ASCC3: variants seen among roughly 807,000 people sequenced by gnomAD.
ASCC3 encodes the protein activating signal cointegrator 1 complex subunit 3, also known as ASC-1 complex subunit P200.
ASCC3 carries 158 observed loss-of-function variants against 256.3 expected under a neutral mutation model. That is an observed-to-expected ratio of 0.62 (90% CI 0.54 to 0.70). The LOEUF is 0.70. Among genes scored for constraint, ASCC3 ranks in the 30% least tolerant of loss-of-function variants. ASCC3 has a pLI of 0.00. For synonymous variants in ASCC3, 948 were observed against 883.4 expected (o/e 1.07, Z -1.30); for missense variants, 2,259 against 2,626.0 (o/e 0.86, Z 3.05).
At chr6:100,596,706 A>G in intron 34 of ASCC3, among the ~76,000 whole-genome samples, 1 of 152,132 alleles carries the variant, frequency 6.6e-6, no homozygotes, top group East Asian at 1.9e-4. Context: ...AATGAATCTG[A>G]TAATTTCTCT....
intron 3 of ASCC3, chr6:100,858,633 T>C (rs1773074898): frequency 1.0e-6 from 1 of 990,646 alleles, no homozygotes; most frequent in Non-Finnish European, 1.2e-6. Context: ...AATCCACTCA[T>C]TATAAACACT....
chr6:100,722,701 G>A (rs1352676173), intron 11 of ASCC3, among the ~76,000 whole-genome samples: 1 of 151,534 alleles, frequency 6.6e-6, no homozygotes, highest in East Asian at 1.9e-4. Flanking sequence ...TACACAAATG[G>A]GATTGTGCTA....
intron 34 of ASCC3, among the ~76,000 whole-genome samples, chr6:100,592,460 C>A (rs1772052603): frequency 1.3e-5 from 2 of 151,754 alleles, no homozygotes; most frequent in South Asian, 4.2e-4. Context: ...ATTTTCAAAT[C>A]CTTATAAAAG....
At chr6:100,581,827 T>G (rs916527997) in intron 36 of ASCC3, among the ~76,000 whole-genome samples, 1 of 149,980 alleles carries the variant, frequency 6.7e-6, no homozygotes, top group African/African-American at 2.4e-5. Context: ...CCAGCACCAT[T>G]TATTAAATAG....
chr6:100,844,735 G>A (rs1474049495), intron 4 of ASCC3, among the ~76,000 whole-genome samples: 11 of 152,064 alleles, frequency 7.2e-5, no homozygotes, highest in South Asian at 2.1e-4. Flanking sequence ...GCTCTTAGAA[G>A]AAAGTAACAT....
intron 36 of ASCC3, among the ~76,000 whole-genome samples, chr6:100,582,500 G>A (rs1185062174): frequency 1.3e-5 from 2 of 151,704 alleles, no homozygotes; most frequent in African/African-American, 2.4e-5. Context: ...AGACAATGGG[G>A]TTTTCTAGAT....
intron 10 of ASCC3, among the ~76,000 whole-genome samples, chr6:100,737,479 G>A (rs576794752): frequency 6.6e-6 from 1 of 152,244 alleles, no homozygotes; most frequent in Non-Finnish European, 1.5e-5. Context: ...AATAGGTGGT[G>A]TTTGGTTTTC....
chr6:100,720,671 G>A lies in ASCC3; in HGVS notation c.1903-2420C>T, dbSNP rs1484015735. On this transcript the variant is annotated intron_variant, in intron 11 of 41. Transcript: ENST00000369162. Reference sequence around the variant, plus strand: ...CGCTTTAATATTAGTAGTCTTTAACGTCCAGCTAAACAATTTGACCATTTT... The same window carrying A: ...CGCTTTAATATTAGTAGTCTTTAACATCCAGCTAAACAATTTGACCATTTT... Among the ~76,000 whole-genome samples the A allele has an allele frequency of 5.9e-5, 9 of 151,578 alleles. No individual in the cohort carries two copies. In the South Asian group the frequency reaches 6.2e-4, roughly 10 times the overall value.
chr6:100,699,255 TG>T (rs935172118), intron 13 of ASCC3, among the ~76,000 whole-genome samples: 1 of 152,064 alleles, frequency 6.6e-6, no homozygotes, highest in Non-Finnish European at 1.5e-5. Flanking sequence ...AATTGAATCA[TG>T]GGGGTGGGTC....
intron 17 of ASCC3, among the ~76,000 whole-genome samples, chr6:100,654,226 C>A (rs1775811925): frequency 6.6e-6 from 1 of 150,496 alleles, no homozygotes; most frequent in South Asian, 2.1e-4. Flanking sequence ...ATATGCTAAA[C>A]TGTTTTATCT....
intron 39 of ASCC3, 29 bp downstream of exon 39, chr6:100,516,151 C>T (rs1774015665): frequency 6.2e-7 from 1 of 1,613,144 alleles, no homozygotes; most frequent in Non-Finnish European, 8.5e-7. Context: ...AGTAGGGGAG[C>T]CTTCAAAACA....
At position 100,544,512 on chromosome 6, in the gene ASCC3, A is replaced by C. The variant is rs145217125; in HGVS notation, c.5551-4125T>G. Reference sequence around the variant, plus strand: ...CTACAGGTTTTACAGATACTAAAATAATAATTAAAAAATAATATGAACAGC... The same window carrying C: ...CTACAGGTTTTACAGATACTAAAATCATAATTAAAAAATAATATGAACAGC... On this transcript the variant is annotated intron_variant, in intron 36 of 41. Coordinates refer to ENST00000369162, the MANE Select transcript of ASCC3 (RefSeq NM_006828.4). Among the ~76,000 whole-genome samples, 807 of 152,222 alleles carry C rather than the reference A, an allele frequency of 5.3e-3. 9 individuals are homozygous for C. The highest frequency in any genetic ancestry group is 0.019 in the African/African-American group (777 of 41,568).
At chr6:100,869,933 A>G (rs1197886965) in intron 1 of ASCC3, among the ~76,000 whole-genome samples, 1 of 152,214 alleles carries the variant, frequency 6.6e-6, no homozygotes, top group African/African-American at 2.4e-5. Context: ...ACATAATAAT[A>G]TAAGATAAAG....
intron 10 of ASCC3, among the ~76,000 whole-genome samples, chr6:100,760,874 C>T (rs1055794379): frequency 6.6e-6 from 1 of 152,116 alleles, no homozygotes; most frequent in Non-Finnish European, 1.5e-5. Context: ...CTATTCCCAT[C>T]AGCAAAATCC....
intron 4 of ASCC3, among the ~76,000 whole-genome samples, chr6:100,820,746 G>T (rs1354187263): frequency 6.6e-6 from 1 of 151,888 alleles, no homozygotes; most frequent in East Asian, 1.9e-4. Flanking sequence ...ATCTGATAAG[G>T]GGTGTGCATC....
At chr6:100,760,677 T>A (rs1261229926) in intron 10 of ASCC3, among the ~76,000 whole-genome samples, 1 of 152,154 alleles carries the variant, frequency 6.6e-6, no homozygotes, top group African/African-American at 2.4e-5. Context: ...ACAAGCATAA[T>A]AACCTAAGTT....
chr6:100,871,288 G>C (rs1408951758), intron 1 of ASCC3, among the ~76,000 whole-genome samples: 1 of 152,020 alleles, frequency 6.6e-6, no homozygotes, highest in Non-Finnish European at 1.5e-5. Context: ...CAGAGATGGG[G>C]CTTCCCCATG....
At chr6:100,875,789 T>C (rs946873016) in intron 1 of ASCC3, among the ~76,000 whole-genome samples, 1 of 152,062 alleles carries the variant, frequency 6.6e-6, no homozygotes, top group Admixed American at 6.6e-5. Flanking sequence ...CTAGCACACC[T>C]AGTTTCCAAA....
chr6:100,603,952 G>A (rs1772754928), intron 33 of ASCC3, among the ~76,000 whole-genome samples: 1 of 151,970 alleles, frequency 6.6e-6, no homozygotes, highest in South Asian at 2.1e-4. Context: ...CATAAAACAA[G>A]CTGGCAAGTA....
Sources: gnomAD v4.1 joint callset for allele counts (sites outside exome capture counted in the v4.1 genomes callset) on GRCh38, gnomAD v4.1.1 for gene constraint, MANE v1.5 for transcripts, NCBI Gene and HGNC (gene_info 2026-07-23, HGNC 2026-07-21) for gene names.